ITSN2: variants seen among roughly 807,000 people sequenced by gnomAD.
ITSN2 encodes the protein intersectin-2.
Under a neutral mutation model 243.7 loss-of-function variants are expected in ITSN2, and 156 were observed. That is an observed-to-expected ratio of 0.64 (90% confidence interval 0.56 to 0.73). ITSN2 has a LOEUF of 0.73. Ranked by LOEUF, ITSN2 falls within the 30% of genes least tolerant of loss-of-function variation. The pLI, the probability that ITSN2 is intolerant of heterozygous loss-of-function variation, is 0.00. For missense variants in ITSN2, 1,801 were observed against 1,996.1 expected (o/e 0.90, Z 1.86); for synonymous variants, 703 against 699.9 (o/e 1.00, Z -0.07).
At chr2:24,294,644 AATTACC>A (rs940102180) in intron 14 of ITSN2, among the ~76,000 whole-genome samples, 16 of 152,180 alleles carry the variant, frequency 1.1e-4, no homozygotes, top group African/African-American at 3.9e-4. Flanking sequence ...TAAGGAAGAG[AATTACC>A]AGGACCCCAA....
intron 31 of ITSN2, 57 bp from the exon 32 acceptor site, chr2:24,216,289 G>A: frequency 7.2e-7 from 1 of 1,394,174 alleles, no homozygotes; most frequent in Admixed American, 2.2e-5. Flanking sequence ...GGTAATTAAA[G>A]GATGAATCCC....
chr2:24,295,923 G>T, intron 13 of ITSN2, 119 bp from the exon 14 acceptor site: 2 of 747,566 alleles, frequency 2.7e-6, no homozygotes, highest in Non-Finnish European at 4.0e-6. Context: ...TATTCATCCT[G>T]AAACAAATGC....
intron 1 of ITSN2, among the ~76,000 whole-genome samples, chr2:24,329,025 T>A (rs1001968161): frequency 6.6e-6 from 1 of 152,220 alleles, no homozygotes; most frequent in East Asian, 1.9e-4. Flanking sequence ...TTATTTAACC[T>A]TTTTTGAGAC....
Position 24,204,804 on chromosome 2 carries a change from A to G in ITSN2, c.4763-386T>C. 2.2e-6 allele frequency: 1 copy of G among 463,514 alleles called. No homozygotes were observed. Among genetic ancestry groups the G allele is most frequent in the South Asian group, 1.6e-5 (1 of 63,252 alleles). The allele number at this position is 463,514 out of a possible 1,614,324, so 28.7% of individuals were successfully genotyped here. ...TGCGCATTTTAGTGGCACTGGACAC[A>G]CTGTTAGAAAGCATTCCTTTATTCA... On this transcript the variant is annotated intron_variant, in intron 38 of 39. Transcript: ENST00000355123. The surrounding 1 kb of genome is among the most constrained non-coding windows in gnomAD (Gnocchi z 5.1).
chr2:24,336,528 T>C (rs1686397526), intron 1 of ITSN2, among the ~76,000 whole-genome samples: 1 of 152,194 alleles, frequency 6.6e-6, no homozygotes, highest in South Asian at 2.1e-4. Flanking sequence ...ATGTCCTAAG[T>C]ATACCAATCT....
At chr2:24,278,763 T>C (rs1013845267) in intron 17 of ITSN2, among the ~76,000 whole-genome samples, 1 of 150,466 alleles carries the variant, frequency 6.6e-6, no homozygotes, top group Non-Finnish European at 1.5e-5. Context: ...GCAATTCTCC[T>C]GCCTCAGCCT....
intron 8 of ITSN2, among the ~76,000 whole-genome samples, chr2:24,308,267 G>A (rs1428231183): frequency 1.3e-5 from 2 of 152,212 alleles, no homozygotes; most frequent in African/African-American, 4.8e-5. Flanking sequence ...CTCAGGAAAA[G>A]TGAGCTGAGG....
intron 20 of ITSN2, among the ~76,000 whole-genome samples, chr2:24,266,905 C>T (rs1415624970): frequency 6.6e-6 from 1 of 151,802 alleles, no homozygotes; most frequent in Non-Finnish European, 1.5e-5. Context: ...CCACTGCACT[C>T]CAGCCTGGGT....
intron 1 of ITSN2, among the ~76,000 whole-genome samples, chr2:24,349,452 T>C (rs759650625): frequency 6.6e-6 from 1 of 152,122 alleles, no homozygotes; most frequent in African/African-American, 2.4e-5. Context: ...AAAACACAAA[T>C]GTACAAAATA....
At chr2:24,233,042 C>T (rs866484589) in intron 29 of ITSN2, among the ~76,000 whole-genome samples, 1 of 152,222 alleles carries the variant, frequency 6.6e-6, no homozygotes, top group Non-Finnish European at 1.5e-5. Context: ...GTCACACACA[C>T]AATTAGGACC....
Position 24,334,758 on chromosome 2 carries a change from T to C in ITSN2, c.-33-6643A>G, listed in dbSNP as rs960365878. On this transcript the variant is annotated intron_variant, in intron 1 of 39. Transcript: ENST00000355123. ...CCCAACTGCAGATCTAAGAGAATGT[T>C]GGCTATTAAAAGATGCAAGCATTGG... is the stretch of plus-strand genomic sequence containing the variant. 4.5e-5 allele frequency: 70 copies of C among 1,540,320 alleles called. 1 individual carries two copies. In the African/African-American group the frequency reaches 9.2e-4, roughly 20 times the overall value.
chr2:24,261,075 A>G, intron 22 of ITSN2, 31 bp downstream of exon 22: 1 of 1,593,926 alleles, frequency 6.3e-7, no homozygotes, highest in African/African-American at 1.4e-5. Flanking sequence ...AATTCAAAGA[A>G]TAAAGCCCAC....
Position 24,235,714 on chromosome 2 carries a change from C to T in ITSN2, c.3577+10415G>A, listed in dbSNP as rs143821047. 2.1e-3 allele frequency among the ~76,000 whole-genome samples: 322 copies of T among 152,254 alleles called. 2 individuals carry two copies. Among genetic ancestry groups the T allele is most frequent in the African/African-American group, 7.7e-3 (319 of 41,546 alleles). ...AAAACGGGCAAAGGATCTGAATAGA[C>T]ATATCTCCAAAGGAGGTATACAAAT... On this transcript the variant is annotated intron_variant, in intron 29 of 39. Coordinates refer to ENST00000355123, the MANE Select transcript of ITSN2 (RefSeq NM_006277.3).
intron 29 of ITSN2, among the ~76,000 whole-genome samples, chr2:24,245,248 C>G (rs1673199510): frequency 1.3e-5 from 2 of 152,110 alleles, no homozygotes; most frequent in Admixed American, 1.3e-4. Context: ...GACCCTTGTT[C>G]TGAAAATAAT....
At chr2:24,330,661 G>T in intron 1 of ITSN2, 1 of 729,966 alleles carries the variant, frequency 1.4e-6, no homozygotes, top group Non-Finnish European at 2.5e-6. Flanking sequence ...GAAAGTGCTG[G>T]AGATGCCAAG....
At chr2:24,323,484 C>T (rs1418578411) in intron 2 of ITSN2, among the ~76,000 whole-genome samples, 1 of 152,168 alleles carries the variant, frequency 6.6e-6, no homozygotes, top group Non-Finnish European at 1.5e-5. Context: ...CCAAAGGCTA[C>T]ATATTGTGTA....
intron 12 of ITSN2, 45 bp from the exon 13 acceptor site, chr2:24,298,859 T>G: frequency 6.4e-7 from 1 of 1,550,554 alleles, no homozygotes; most frequent in Admixed American, 2.1e-5. Flanking sequence ...ATCAAAAATT[T>G]TGCACGATTC....
Position 24,254,444 on chromosome 2 carries a change from TAAAC to T in ITSN2, c.2889-17_2889-14del, listed in dbSNP as rs201002598. ...CAAAGCTTCTGGTCTACCAAATATA[TAAAC>T]AAACAAACAAACAAACAAACAAATA... On this transcript the variant is annotated splice_polypyrimidine_tract_variant and intron_variant, in intron 23 of 39. Transcript: ENST00000355123. The T allele has an allele frequency of 1.3e-3, 2,029 of 1,587,536 alleles. 8 individuals are homozygous for T. Among genetic ancestry groups the T allele is most frequent in the African/African-American group, 8.0e-3 (595 of 74,398 alleles).
chr2:24,324,543 T>C (rs772362289), intron 2 of ITSN2, among the ~76,000 whole-genome samples: 4 of 152,046 alleles, frequency 2.6e-5, no homozygotes, highest in Non-Finnish European at 4.4e-5. Context: ...ATTCATTCAG[T>C]AAATGTTTAT....
Sources: gnomAD v4.1 joint callset for allele counts (sites outside exome capture counted in the v4.1 genomes callset) on GRCh38, gnomAD v4.1.1 for gene constraint, Gnocchi (gnomAD v3.1) non-coding constraint, MANE v1.5 for transcripts, NCBI Gene and HGNC (gene_info 2026-07-23, HGNC 2026-07-21) for gene names.